The following CEP120 variants were observed in gnomAD, a reference collection of about 807,000 sequenced individuals.
The protein encoded by CEP120 is centrosomal protein 120.
Under a neutral mutation model 126.5 loss-of-function variants are expected in CEP120, and 113 were observed. The ratio of observed to expected loss-of-function variants is 0.89; its 90% CI spans 0.77 to 1.04. The LOEUF is 1.04. CEP120 is among the 50% of genes least tolerant of loss of function. The pLI, the probability that CEP120 is intolerant of heterozygous loss-of-function variation, is 0.00. For synonymous variants in CEP120, 400 were observed against 394.3 expected (o/e 1.01, Z -0.17); for missense variants, 1,230 against 1,155.7 (o/e 1.06, Z -0.93).
intron 1 of CEP120, chr5:123,422,557 T>C (rs767289496): frequency 2.6e-6 from 4 of 1,535,314 alleles, no homozygotes; most frequent in Non-Finnish European, 3.5e-6. Flanking sequence ...TCCGGAACAC[T>C]TCTGGAATCG....
chr5:123,380,213 T>A (rs920243121), intron 14 of CEP120, among the ~76,000 whole-genome samples: 1 of 151,772 alleles, frequency 6.6e-6, no homozygotes, highest in Non-Finnish European at 1.5e-5. Context: ...GAAAAACAAC[T>A]TTTTTTTCTC....
At chr5:123,414,881 A>T (rs1402326670) in intron 3 of CEP120, among the ~76,000 whole-genome samples, 1 of 149,240 alleles carries the variant, frequency 6.7e-6, no homozygotes, top group Non-Finnish European at 1.5e-5. Context: ...CTGAGGCGGA[A>T]GAATGGCATG....
chr5:123,406,340 C>A (rs1290201983), intron 4 of CEP120, among the ~76,000 whole-genome samples: 1 of 148,886 alleles, frequency 6.7e-6, no homozygotes, highest in Non-Finnish European at 1.5e-5. Flanking sequence ...ATTAATGTCA[C>A]ACACCAAACC....
At chr5:123,367,676 G>GCAT (rs1770562559) in intron 17 of CEP120, among the ~76,000 whole-genome samples, 1 of 151,854 alleles carries the variant, frequency 6.6e-6, no homozygotes, top group East Asian at 1.9e-4. Flanking sequence ...CTGATCCCAA[G>GCAT]CATTTTGGAT....
At position 123,401,069 on chromosome 5, in the gene CEP120, C is replaced by T. The variant is rs1425338549; in HGVS notation, c.464-1785G>A. On this transcript the variant is annotated intron_variant, in intron 4 of 19. Transcript: ENST00000306467. ...CGGGGCTTGTGAGGCCCCCACAGGCCGAGCTCAGACCACTTGCATAGCCGC... is the reference window on the plus strand; with the variant it reads ...CGGGGCTTGTGAGGCCCCCACAGGCTGAGCTCAGACCACTTGCATAGCCGC... 58 of 1,577,664 alleles carry T rather than the reference C, an allele frequency of 3.7e-5. No individual in the cohort carries two copies. The East Asian group carries it at 8.3e-4, about 22-fold the overall frequency.
At chr5:123,420,109 AAC>A (rs1774627912) in intron 1 of CEP120, among the ~76,000 whole-genome samples, 2 of 152,236 alleles carry the variant, frequency 1.3e-5, no homozygotes, top group Non-Finnish European at 2.9e-5. Flanking sequence ...TAGGAGTATT[AAC>A]ACACATCGCA....
rs1580685883 is a variant in CEP120 at position 123,383,063 on chromosome 5, C to T, written c.1783G>A (p.Asp595Asn). The change falls in exon 12 of 20, where the codon GAT becomes AAT. Residue 595 changes from aspartate to asparagine, a missense_variant. By Grantham distance (23) the Asp-to-Asn change is conservative. Transcript: ENST00000306467. ...AAQGSNNRIA[D>N]LSYTVTLEDY... Reference sequence around the variant, plus strand: ...TCTAGAGTCACTGTGTAAGAAAGATCTGCTATCCTGTTATTTGATCTACAA... The same window carrying T: ...TCTAGAGTCACTGTGTAAGAAAGATTTGCTATCCTGTTATTTGATCTACAA... 2 of 1,523,390 alleles carry T rather than the reference C, an allele frequency of 1.3e-6. No homozygotes were observed. Among genetic ancestry groups the T allele is most frequent in the South Asian group, 2.3e-5 (2 of 85,860 alleles). 94.4% of individuals were successfully genotyped at this position (1,523,390 alleles called of 1,614,324 possible).
chr5:123,363,245 C>G (rs1770218838), intron 18 of CEP120, among the ~76,000 whole-genome samples: 1 of 151,592 alleles, frequency 6.6e-6, no homozygotes, highest in Non-Finnish European at 1.5e-5. Context: ...TACCTCCTCT[C>G]CTATGACACC....
chr5:123,360,462 T>C (rs138049561), intron 18 of CEP120, among the ~76,000 whole-genome samples: 21 of 151,996 alleles, frequency 1.4e-4, no homozygotes, highest in African/African-American at 4.6e-4. Flanking sequence ...AGGATTAAAA[T>C]TGGTTTGCAA....
At chr5:123,368,724 A>G (rs1396658372) in intron 17 of CEP120, among the ~76,000 whole-genome samples, 3 of 152,024 alleles carry the variant, frequency 2.0e-5, no homozygotes, top group East Asian at 3.9e-4. Context: ...CACTATTTCC[A>G]TAATATCAAA....
intron 9 of CEP120, 35 bp downstream of exon 9, chr5:123,388,397 A>G (rs995813952): frequency 7.2e-7 from 1 of 1,397,228 alleles, no homozygotes; most frequent in Non-Finnish European, 9.5e-7. Flanking sequence ...CTTTCTCTTC[A>G]GAAAATAATA....
At chr5:123,393,553 T>G (rs1221616226) in intron 5 of CEP120, 56 bp from the exon 6 acceptor site, 1 of 1,382,874 alleles carries the variant, frequency 7.2e-7, no homozygotes, top group African/African-American at 1.4e-5. Context: ...CTGAACATGC[T>G]TAGTGTATCT....
At chr5:123,419,244 G>C (rs2127142610) in intron 1 of CEP120, among the ~76,000 whole-genome samples, 1 of 152,174 alleles carries the variant, frequency 6.6e-6, no homozygotes, top group East Asian at 1.9e-4. Context: ...ACGAATTTTA[G>C]GTACTACTAT....
In CEP120 at chr5:123,423,227, C is replaced by A. The variant is rs982694209; in HGVS notation, c.-229G>T. The A allele has an allele frequency of 3.9e-5, 22 of 563,930 alleles. No homozygotes were observed. Among genetic ancestry groups the A allele is most frequent in the Non-Finnish European group, 6.7e-5 (21 of 314,944 alleles). 34.9% of individuals were successfully genotyped at this position (563,930 alleles called of 1,614,324 possible). On this transcript the variant is annotated 5_prime_UTR_variant, in exon 1 of 20. Transcript: ENST00000306467. The stretch of plus-strand genomic sequence containing the variant: ...ACTGTGCCCCGACTCAAGGAAAAAG[C>A]CACGCTGCAGCCCTGCCAGTCTGCA...
chr5:123,359,127 G>A (rs1769880854), intron 18 of CEP120, among the ~76,000 whole-genome samples: 1 of 152,022 alleles, frequency 6.6e-6, no homozygotes, highest in Admixed American at 6.6e-5. Context: ...TGGATAAGCA[G>A]GAGGCTGGAC....
chr5:123,347,504 A>G (rs1434143736), intron 19 of CEP120, among the ~76,000 whole-genome samples: 2 of 152,148 alleles, frequency 1.3e-5, no homozygotes, highest in Non-Finnish European at 2.9e-5. Context: ...AAGGTTTTGT[A>G]TGGATATCTT....
At position 123,416,653 on chromosome 5, in the gene CEP120, ATAT is replaced by A. The variant is rs1774413968; in HGVS notation, c.207-532_207-530del. 3.3e-5 allele frequency among the ~76,000 whole-genome samples: 5 copies of A among 152,242 alleles called. No homozygotes were observed. The South Asian group carries it at 1.0e-3, about 32-fold the overall frequency. ...ATCTACTAACCTCTACACCAACTAA[ATAT>A]TATACAAAACATGTCAACATATTTT... On this transcript the variant is annotated intron_variant, in intron 2 of 19. Transcript: ENST00000306467.
chr5:123,353,940 T>A (rs1046516341), intron 18 of CEP120, among the ~76,000 whole-genome samples: 2 of 152,058 alleles, frequency 1.3e-5, no homozygotes, highest in African/African-American at 2.4e-5. Flanking sequence ...ATTTCATTAA[T>A]TCTATTCATC....
intron 18 of CEP120, among the ~76,000 whole-genome samples, chr5:123,352,162 G>A (rs975766029): frequency 6.6e-6 from 1 of 151,926 alleles, no homozygotes; most frequent in Non-Finnish European, 1.5e-5. Context: ...TTCTGTTATT[G>A]ATGTTTATAA....
Sources: allele counts gnomAD v4.1 joint callset (sites outside exome capture counted in the v4.1 genomes callset), GRCh38; gene constraint gnomAD v4.1.1; transcripts MANE v1.5; gene names NCBI Gene and HGNC (gene_info 2026-07-23, HGNC 2026-07-21).